Variants in ALG10 observed in about 807,000 individuals in gnomAD.
ALG10 encodes the protein dol-P-Glc:Glc(2)Man(9)GlcNAc(2)-PP-Dol alpha-1,2-glucosyltransferase A.
A neutral mutation model predicts 39.2 loss-of-function variants in ALG10; 25 were observed. The ratio of observed to expected loss-of-function variants is 0.64; its 90% confidence interval spans 0.46 to 0.89. The LOEUF (loss-of-function observed/expected upper bound fraction) is 0.89. Among genes scored for constraint, ALG10 ranks in the 40% least tolerant of loss-of-function variants. The pLI is 0.00. For missense variants in ALG10, 486 were observed against 546.6 expected, an observed-to-expected ratio of 0.89 and a Z score of 1.11; for synonymous variants, 184 against 193.9, an observed-to-expected ratio of 0.95 and a Z score of 0.42.
rs890495943 is a variant in ALG10 at position 34,027,825 on chromosome 12, A to G, written c.*910A>G. On this transcript the variant is annotated 3_prime_UTR_variant, in exon 3 of 3. Transcript: ENST00000266483. ...AACAGACATTCTATGTCTGTTTCCT[A>G]ATATCTTGTGGCTGTGTGCAATTCT... 2.0e-5 allele frequency: 3 copies of G among 152,078 alleles called. No homozygotes were observed. Among genetic ancestry groups the G allele is most frequent in the African/African-American group, 7.2e-5 (3 of 41,406 alleles). 9.4% of individuals were successfully genotyped at this position (152,078 alleles called of 1,614,324 possible). A position where few individuals can be genotyped will look rare whatever the true frequency, so the allele number is the denominator to read the frequency against.
In ALG10 at chr12:34,026,409, C is replaced by T; in HGVS notation, c.916C>T (p.Leu306Phe). The T allele has an allele frequency of 6.2e-6, 10 of 1,613,906 alleles. No individual in the cohort carries two copies. The highest frequency in any genetic ancestry group is 8.5e-6 in the Non-Finnish European group (10 of 1,179,952). The change falls in exon 3 of 3, where the codon CTC (leucine) becomes TTC (phenylalanine). Residue 306 changes from leucine (L) to phenylalanine (F), a missense_variant. By Grantham distance (22) the Leu-to-Phe change is conservative. Transcript: ENST00000266483. ...TACTCTCTTTTTTTCCTTTCCTCATCTCCTGTCTCCTAGCAAAATTAAGAC... is the reference window on the plus strand; with the variant it reads ...TACTCTCTTTTTTTCCTTTCCTCATTTCCTGTCTCCTAGCAAAATTAAGAC... ...SFTLFFSFPH[L>F]LSPSKIKTFL...
Position 34,027,650 on chromosome 12 carries a change from A to G in ALG10, c.*735A>G, listed in dbSNP as rs1274004204. The G allele has an allele frequency of 1.3e-5, 2 of 152,186 alleles. No homozygotes were observed. Among genetic ancestry groups the G allele is most frequent in the East Asian group, 1.9e-4 (1 of 5,184 alleles). 9.4% of individuals were successfully genotyped at this position (152,186 alleles called of 1,614,324 possible). A position where few individuals can be genotyped will look rare whatever the true frequency, so the allele number is the denominator to read the frequency against. On this transcript the variant is annotated 3_prime_UTR_variant, in exon 3 of 3. Transcript: ENST00000266483. ...AAGGGGGATTTCCTTTCTGAAATAC[A>G]TATTGTATTAGCTTCCCAGGGCTTC...
intron 1 of ALG10, chr12:34,023,603 C>T: frequency 2.9e-6 from 1 of 340,868 alleles, no homozygotes; most frequent in South Asian, 2.6e-5. Flanking sequence ...AGCCTGTGGT[C>T]CAAATGTTTT....
chr12:34,025,786 A>C, intron 2 of ALG10, 77 bp from the exon 3 acceptor site: 2 of 1,546,402 alleles, frequency 1.3e-6, no homozygotes, highest in Non-Finnish European at 1.8e-6. Flanking sequence ...TTTTTAAATA[A>C]ATTTCTTCAT....
In ALG10 at chr12:34,026,682, T is replaced by G; in HGVS notation, c.1189T>G (p.Leu397Val). ...GAAATCAAAGTCAATTTTTTGGAAT[T>G]TAATGTTTTTCATATGCTTGTTCAC... The part of the protein sequence containing the change: ...SLKSKSIFWN[L>V]MFFICLFTVI... Residue 397 changes from leucine to valine, a missense_variant, in exon 3 of 3, where the codon TTA (leucine) becomes GTA (valine). Coordinates refer to ENST00000266483, the MANE Select transcript of ALG10 (RefSeq NM_032834.4). 2 of 1,613,840 alleles carry G rather than the reference T, an allele frequency of 1.2e-6. No homozygotes were observed. Among genetic ancestry groups the G allele is most frequent in the Non-Finnish European group, 1.7e-6 (2 of 1,179,878 alleles).
rs760229984 is a variant in ALG10 at position 34,026,268 on chromosome 12, C to T, written c.775C>T (p.Leu259Phe). 6 of 1,614,084 alleles carry T rather than the reference C, an allele frequency of 3.7e-6. No individual in the cohort carries two copies. The highest frequency in any genetic ancestry group is 5.1e-6 in the Non-Finnish European group (6 of 1,179,982). ...MLLLLTWPYI[L>F]LGFLFCAFVV... ...TTTGCTTCTGACTTGGCCCTACATC[C>T]TTCTGGGATTTCTGTTTTGTGCTTT... The change falls in exon 3 of 3, where the codon CTT becomes TTT. Residue 259 changes from leucine (L) to phenylalanine (F), a missense_variant. Coordinates refer to ENST00000266483, the MANE Select transcript of ALG10 (RefSeq NM_032834.4).
chr12:34,026,819 C>A lies in ALG10; in HGVS notation c.1326C>A (p.Ser442Arg). 6.2e-7 allele frequency: 1 copy of A among 1,613,960 alleles called. No homozygotes were observed. Among genetic ancestry groups the A allele is most frequent in the African/African-American group, 1.3e-5 (1 of 75,052 alleles). Residue 442 changes from serine to arginine, a missense_variant, in exon 3 of 3, where the codon AGC (serine) becomes AGA (arginine). Ser to Arg is a moderately radical substitution (Grantham distance 110, BLOSUM62 -1). Transcript: ENST00000266483. ...CATCCAGACTCATTTGTGAACTGAG[C>A]TGCTATGCAGTTGTTAATTTCATAA... ...PPTSRLICEL[S>R]CYAVVNFITF...
intron 1 of ALG10, 65 bp downstream of exon 1, chr12:34,022,835 C>T: frequency 6.2e-7 from 1 of 1,608,206 alleles, no homozygotes; most frequent in Non-Finnish European, 8.5e-7. Flanking sequence ...CCCACGTCCT[C>T]CCATCCTTAG....
chr12:34,025,634 A>G (rs761086448), intron 2 of ALG10, among the ~76,000 whole-genome samples: 33 of 152,198 alleles, frequency 2.2e-4, no homozygotes, highest in Non-Finnish European at 3.5e-4. Context: ...AAGATTTGGC[A>G]TACACATGGT....
At chr12:34,023,553 C>G (rs1352496137) in intron 1 of ALG10, 5 of 295,056 alleles carry the variant, frequency 1.7e-5, no homozygotes, top group African/African-American at 1.1e-4. Context: ...GAGGGTTTGG[C>G]AACAATTTCT....
rs2120696143 is a variant in ALG10 at position 34,026,311 on chromosome 12, G to A, written c.818G>A (p.Gly273Glu). 3 of 1,614,008 alleles carry A rather than the reference G, an allele frequency of 1.9e-6. No individual in the cohort carries two copies. The South Asian group carries it at 3.3e-5, about 18-fold the overall frequency. ...LFCAFVVVNG[G>E]IVIGDRSSHE... The stretch of plus-strand genomic sequence containing the variant: ...TGTGCTTTTGTAGTAGTTAATGGTG[G>A]AATTGTTATTGGCGATCGGAGTAGT... Residue 273 changes from glycine to glutamate, a missense_variant, in exon 3 of 3, where the codon GGA (glycine) becomes GAA (glutamate). Coordinates refer to ENST00000266483, the MANE Select transcript of ALG10 (RefSeq NM_032834.4).
At position 34,025,876 on chromosome 12, in the gene ALG10, T is replaced by C. The variant is rs1373750632; in HGVS notation, c.383T>C (p.Ile128Thr). 2.5e-6 allele frequency: 4 copies of C among 1,613,906 alleles called. No individual in the cohort carries two copies. The highest frequency in any genetic ancestry group is 3.4e-6 in the Non-Finnish European group (4 of 1,179,924). ...TCTTCCTCCAAGGCTGCCTCAAGTA[T>C]CCAGAGAGTCTTGTCAACATTAACA... ...VQPRNKAASS[I>T]QRVLSTLTLA... The change falls in exon 3 of 3, where the codon ATC becomes ACC. Residue 128 changes from isoleucine to threonine, a missense_variant. Physicochemically the swap from Ile to Thr is moderately conservative, Grantham distance 89 (BLOSUM62 -1). Coordinates refer to ENST00000266483, the MANE Select transcript of ALG10 (RefSeq NM_032834.4).
intron 1 of ALG10, 114 bp from the exon 2 acceptor site, chr12:34,023,848 A>G (rs4001700): frequency 1.4e-6 from 2 of 1,386,322 alleles, no homozygotes; most frequent in African/African-American, 2.8e-5. Context: ...TTGTCATAGA[A>G]TAACTTCTCA....
intron 1 of ALG10, chr12:34,022,997 A>G (rs532921452): frequency 3.1e-6 from 2 of 639,204 alleles, no homozygotes; most frequent in South Asian, 4.8e-5. Flanking sequence ...ATCTGGGAGA[A>G]TACTCAACGG....
Position 34,024,165 on chromosome 12 carries a change from T to A in ALG10, c.369+6T>A. Reference sequence around the variant, plus strand: ...AGGTACAACCCAGAAACAAGGTATGTTTCAAAATACTTAATTACAAGTTTA... The same window carrying A: ...AGGTACAACCCAGAAACAAGGTATGATTCAAAATACTTAATTACAAGTTTA... On this transcript the variant is annotated splice_donor_region_variant and intron_variant, in intron 2 of 2. Transcript: ENST00000266483. 6.2e-7 allele frequency: 1 copy of A among 1,613,704 alleles called. No individual in the cohort carries two copies. Among genetic ancestry groups the A allele is most frequent in the Non-Finnish European group, 8.5e-7 (1 of 1,179,660 alleles).
chr12:34,022,620 C>T lies in ALG10; in HGVS notation c.21C>T (p.Tyr7=), dbSNP rs376138722. 2.0e-5 allele frequency: 33 copies of T among 1,614,040 alleles called. No homozygotes were observed. The highest frequency in any genetic ancestry group is 2.7e-5 in the African/African-American group (2 of 74,926). MAQLEG[Y]YFSAALSCTF... is the part of the protein sequence containing the mutation. ...CTGGAATGGCGCAGCTGGAAGGTTA[C>T]TATTTCTCGGCCGCCTTGAGCTGTA... The change falls in exon 1 of 3, where the codon TAC becomes TAT. Residue 7 remains tyrosine (Y), a synonymous_variant. Coordinates refer to ENST00000266483, the MANE Select transcript of ALG10 (RefSeq NM_032834.4).
At position 34,024,031 on chromosome 12, in the gene ALG10, T is replaced by G. The variant is rs745412883; in HGVS notation, c.241T>G (p.Trp81Gly). Residue 81 changes from tryptophan (W) to glycine (G), a missense_variant, in exon 2 of 3, where the codon TGG becomes GGG. Physicochemically the swap from Trp to Gly is radical, Grantham distance 184. Coordinates refer to ENST00000266483, the MANE Select transcript of ALG10 (RefSeq NM_032834.4). ...AATTGGAGTGATCAAACCTGCCATT[T>G]GGATCTTTGGATGGTCTGAACATGT... ...VSIGVIKPAIWIFGWSEHVVC... is the reference protein window; with the variant it reads ...VSIGVIKPAIGIFGWSEHVVC... 2 of 1,614,204 alleles carry G rather than the reference T, an allele frequency of 1.2e-6. No individual in the cohort carries two copies. Among genetic ancestry groups the G allele is most frequent in the Non-Finnish European group, 1.7e-6 (2 of 1,180,024 alleles).
chr12:34,026,533 T>G lies in ALG10; in HGVS notation c.1040T>G (p.Leu347Trp). 1 of 1,613,846 alleles carries G rather than the reference T, an allele frequency of 6.2e-7. No homozygotes were observed. The highest frequency in any genetic ancestry group is 8.5e-7 in the Non-Finnish European group (1 of 1,179,894). ...AAATTCACTTATGCTCATAAATACT[T>G]GCTAGCAGACAATAGACATTATACT... ...VWKFTYAHKYLLADNRHYTFY... is the reference protein window; with the variant it reads ...VWKFTYAHKYWLADNRHYTFY... Residue 347 changes from leucine (L) to tryptophan (W), a missense_variant, in exon 3 of 3, where the codon TTG becomes TGG. Transcript: ENST00000266483.
At chr12:34,022,397 G>T (rs1410180199), upstream of ALG10, 4 of 757,814 alleles carry the variant, frequency 5.3e-6, no homozygotes, top group East Asian at 8.1e-5. Context: ...CATCCGGTCC[G>T]TTATCTAAAC....
Sources: gnomAD v4.1 joint callset for allele counts (sites outside exome capture counted in the v4.1 genomes callset) on GRCh38, gnomAD v4.1.1 for gene constraint, MANE v1.5 for transcripts, NCBI Gene and HGNC (gene_info 2026-07-23, HGNC 2026-07-21) for gene names.